The following ATRNL1 variants were observed in gnomAD, a reference collection of about 807,000 sequenced individuals.
The protein encoded by ATRNL1 is attractin-like protein 1.
Under a neutral mutation model 182.7 loss-of-function variants are expected in ATRNL1, and 95 were observed. That is an observed-to-expected ratio of 0.52 (90% CI 0.44 to 0.62). The LOEUF (loss-of-function observed/expected upper bound fraction) is 0.62, where lower values mean the gene tolerates loss of function less well. Ranked by LOEUF, ATRNL1 falls within the 20% of genes least tolerant of loss-of-function variation. The probability of loss-of-function intolerance (pLI) is 0.00; values close to 1 mark genes in which losing one functional copy is unlikely to be tolerated. For synonymous variants in ATRNL1, 576 were observed against 568.3 expected (o/e 1.01, Z -0.19); for missense variants, 1,471 against 1,679.5 (o/e 0.88, Z 2.17).
At chr10:115,321,936 C>T (rs1390065121) in intron 18 of ATRNL1, among the ~76,000 whole-genome samples, 1 of 151,882 alleles carries the variant, frequency 6.6e-6, no homozygotes, top group Non-Finnish European at 1.5e-5. Flanking sequence ...GCCTAATCAA[C>T]ACACAAAAAT....
intron 21 of ATRNL1, among the ~76,000 whole-genome samples, chr10:115,457,594 G>A (rs782185016): frequency 2.0e-5 from 3 of 151,734 alleles, no homozygotes; most frequent in African/African-American, 4.8e-5. Context: ...TTCTCTGCCC[G>A]CACATTTCCC....
At chr10:115,788,180 C>T (rs1213596082) in intron 27 of ATRNL1, among the ~76,000 whole-genome samples, 2 of 152,156 alleles carry the variant, frequency 1.3e-5, no homozygotes, top group African/African-American at 2.4e-5. Flanking sequence ...GCAGAAAATG[C>T]ATCCTCTGAG....
At chr10:115,602,861 A>AAAAC (rs1164251714) in intron 26 of ATRNL1, among the ~76,000 whole-genome samples, 2 of 151,696 alleles carry the variant, frequency 1.3e-5, no homozygotes, top group African/African-American at 2.4e-5. Flanking sequence ...CTCAAAAAAA[A>AAAAC]AAAAAACATT....
At chr10:115,347,197 T>C (rs1389845567) in intron 19 of ATRNL1, among the ~76,000 whole-genome samples, 2 of 152,154 alleles carry the variant, frequency 1.3e-5, no homozygotes, top group African/African-American at 4.8e-5. Context: ...AATGAAAAAT[T>C]AAATAGAGTG....
intron 25 of ATRNL1, among the ~76,000 whole-genome samples, chr10:115,519,989 G>T (rs1850841264): frequency 6.6e-6 from 1 of 152,108 alleles, no homozygotes; most frequent in Admixed American, 6.5e-5. Context: ...AAATATCTGT[G>T]TTATGAGATC....
At position 115,358,250 on chromosome 10, in the gene ATRNL1, C is replaced by T. The variant is rs535894761; in HGVS notation, c.3175+23831C>T. 8.6e-5 allele frequency among the ~76,000 whole-genome samples: 13 copies of T among 151,770 alleles called. No individual in the cohort carries two copies. In the East Asian group the frequency reaches 2.5e-3, roughly 29 times the overall value. ...CCTTCATAGGAAAAGAAAAAAGAGA[C>T]AATTTTCTTCCTAAAATCATTCAAA... On this transcript the variant is annotated intron_variant, in intron 19 of 28. Transcript: ENST00000355044.
intron 8 of ATRNL1, among the ~76,000 whole-genome samples, chr10:115,208,049 A>T (rs1397811043): frequency 2.0e-5 from 3 of 152,008 alleles, no homozygotes; most frequent in African/African-American, 7.2e-5. Flanking sequence ...CATTTTGGAC[A>T]GTTTATATTT....
intron 26 of ATRNL1, among the ~76,000 whole-genome samples, chr10:115,700,667 T>C (rs988851432): frequency 1.3e-5 from 2 of 152,056 alleles, no homozygotes; most frequent in Non-Finnish European, 2.9e-5. Flanking sequence ...ACTTTGTTGA[T>C]AGTTTCAGGC....
At chr10:115,648,312 A>G (rs543531072) in intron 26 of ATRNL1, among the ~76,000 whole-genome samples, 107 of 152,326 alleles carry the variant, frequency 7.0e-4, no homozygotes, top group Middle Eastern at 3.4e-3. Context: ...AGAGGACACA[A>G]ACAAATGAAG....
chr10:115,164,863 G>A (rs1410404623), intron 6 of ATRNL1, among the ~76,000 whole-genome samples: 2 of 152,036 alleles, frequency 1.3e-5, no homozygotes, highest in African/African-American at 2.4e-5. Context: ...TGGTTAATGA[G>A]TGCCAAAAAG....
intron 19 of ATRNL1, among the ~76,000 whole-genome samples, chr10:115,377,107 C>T (rs551653941): frequency 4.6e-5 from 7 of 152,162 alleles, no homozygotes; most frequent in South Asian, 2.1e-4. Flanking sequence ...TTTGTTCATG[C>T]ATTATTTTTA....
chr10:115,428,290 C>T lies in ATRNL1; in HGVS notation c.3322+1988C>T, dbSNP rs192046289. On this transcript the variant is annotated intron_variant, in intron 21 of 28. Coordinates refer to ENST00000355044, the MANE Select transcript of ATRNL1 (RefSeq NM_207303.4). ...CAAAAGTCACATTTTACTTCTACTA[C>T]CATTTTTTGTTGACTCTCAGAATTT... is the stretch of plus-strand genomic sequence containing the variant. 3.9e-5 allele frequency among the ~76,000 whole-genome samples: 6 copies of T among 152,120 alleles called. No homozygotes were observed. In the East Asian group the frequency reaches 7.7e-4, roughly 20 times the overall value.
At chr10:115,561,722 T>TGTGTGTGTGG (rs1853759882) in intron 26 of ATRNL1, among the ~76,000 whole-genome samples, 1 of 151,260 alleles carries the variant, frequency 6.6e-6, no homozygotes, top group Non-Finnish European at 1.5e-5. Flanking sequence ...TGTGTGTGTG[T>TGTGTGTGTGG]GTTTGTGTGG....
intron 1 of ATRNL1, among the ~76,000 whole-genome samples, chr10:115,101,998 T>A (rs368306457): frequency 7.2e-5 from 11 of 152,164 alleles, no homozygotes; most frequent in African/African-American, 2.7e-4. Context: ...ATGGGTGGAG[T>A]GTTGTATACA....
chr10:115,910,936 T>A (rs1952656498), intron 28 of ATRNL1, among the ~76,000 whole-genome samples: 1 of 152,238 alleles, frequency 6.6e-6, no homozygotes. Flanking sequence ...GCAAGTTGTT[T>A]TCATGTTCGT....
At chr10:115,592,954 T>TCTAC (rs1856003236) in intron 26 of ATRNL1, among the ~76,000 whole-genome samples, 1 of 152,250 alleles carries the variant, frequency 6.6e-6, no homozygotes, top group Non-Finnish European at 1.5e-5. Flanking sequence ...TGTCTATCTA[T>TCTAC]CTATCTATCT....
At chr10:115,110,365 T>A (rs185794924) in intron 1 of ATRNL1, among the ~76,000 whole-genome samples, 156 of 152,294 alleles carry the variant, frequency 1.0e-3, no homozygotes, top group African/African-American at 3.5e-3. Context: ...TAATGCTTGT[T>A]TGAAGATGGA....
chr10:115,129,048 G>T (rs782801102), intron 4 of ATRNL1, among the ~76,000 whole-genome samples: 5 of 151,992 alleles, frequency 3.3e-5, no homozygotes, highest in African/African-American at 1.2e-4. Flanking sequence ...GCCTGGAACC[G>T]TACAGATCCT....
intron 18 of ATRNL1, among the ~76,000 whole-genome samples, chr10:115,327,160 G>A (rs1394396815): frequency 6.6e-6 from 1 of 151,654 alleles, no homozygotes; most frequent in Non-Finnish European, 1.5e-5. Context: ...CTACAAAATG[G>A]GAGAAAGTTT....
Sources: gnomAD v4.1 joint callset for allele counts (sites outside exome capture counted in the v4.1 genomes callset) on GRCh38, gnomAD v4.1.1 for gene constraint, MANE v1.5 for transcripts, NCBI Gene and HGNC (gene_info 2026-07-23, HGNC 2026-07-21) for gene names.